Variants in SORCS1 observed in about 807,000 individuals in gnomAD.
SORCS1 encodes the protein sortilin related VPS10 domain containing receptor 1.
SORCS1 carries 60 observed loss-of-function variants against 146.1 expected under a neutral mutation model. That is an observed-to-expected ratio of 0.41 (90% confidence interval 0.33 to 0.51). The LOEUF is 0.51. Among genes scored for constraint, SORCS1 ranks in the 20% least tolerant of loss-of-function variants. SORCS1 has a pLI of 0.21. For synonymous variants in SORCS1, 637 were observed against 584.0 expected, an observed-to-expected ratio of 1.09 and a Z score of -1.31; for missense variants, 1,352 against 1,487.6, an observed-to-expected ratio of 0.91 and a Z score of 1.50.
intron 14 of SORCS1, among the ~76,000 whole-genome samples, chr10:106,674,145 T>C (rs1198062723): frequency 8.8e-6 from 1 of 113,724 alleles, no homozygotes; most frequent in Non-Finnish European, 1.8e-5. Context: ...TGAAACTCTG[T>C]CTCTACTAAA....
intron 4 of SORCS1, among the ~76,000 whole-genome samples, chr10:106,766,151 G>A (rs999778): frequency 0.23 from 35,714 of 151,976 alleles, 4,535 homozygotes; most frequent in Non-Finnish European, 0.28. Context: ...TCCTGCTGTC[G>A]GCTCTTTTCA....
chr10:107,098,148 T>C (rs901893837), intron 1 of SORCS1, among the ~76,000 whole-genome samples: 1 of 152,236 alleles, frequency 6.6e-6, no homozygotes, highest in Non-Finnish European at 1.5e-5. Flanking sequence ...GTTGTTGTTG[T>C]CTATGTCAGG....
At chr10:106,615,199 T>C (rs1847275560) in intron 21 of SORCS1, among the ~76,000 whole-genome samples, 1 of 152,330 alleles carries the variant, frequency 6.6e-6, no homozygotes, top group Non-Finnish European at 1.5e-5. Context: ...GTAAAACTTC[T>C]ACAACTCATG....
At chr10:106,953,497 A>G (rs1194891691) in intron 2 of SORCS1, among the ~76,000 whole-genome samples, 1 of 150,674 alleles carries the variant, frequency 6.6e-6, no homozygotes, top group African/African-American at 2.4e-5. Context: ...CAGATCTAAA[A>G]CCCACAGATA....
intron 1 of SORCS1, among the ~76,000 whole-genome samples, chr10:106,974,055 A>C (rs535910881): frequency 6.6e-6 from 1 of 152,312 alleles, no homozygotes; most frequent in African/African-American, 2.4e-5. Flanking sequence ...CAAGGGTTAA[A>C]TGAGCACCTA....
chr10:106,996,433 G>A (rs1957008510), intron 1 of SORCS1, among the ~76,000 whole-genome samples: 1 of 152,040 alleles, frequency 6.6e-6, no homozygotes. Context: ...ATAACTACCA[G>A]AAGGGTATGC....
At chr10:106,889,831 G>GCTGAGAT (rs1951155423) in intron 2 of SORCS1, among the ~76,000 whole-genome samples, 1 of 147,584 alleles carries the variant, frequency 6.8e-6, no homozygotes, top group African/African-American at 2.6e-5. Context: ...CTTGCAGTGA[G>GCTGAGAT]CCGAGATCGC....
chr10:106,820,885 T>C (rs945309706), intron 3 of SORCS1, among the ~76,000 whole-genome samples: 1 of 152,140 alleles, frequency 6.6e-6, no homozygotes, highest in African/African-American at 2.4e-5. Context: ...CAGCAGAGCA[T>C]AACTTGGAAC....
At chr10:106,630,848 TAA>T (rs200290220) in intron 18 of SORCS1, among the ~76,000 whole-genome samples, 2 of 142,104 alleles carry the variant, frequency 1.4e-5, no homozygotes, top group Non-Finnish European at 1.5e-5. Context: ...CCCAGACCTG[TAA>T]AAAAAAAAAA....
At chr10:106,841,897 G>A (rs1949060895) in intron 2 of SORCS1, among the ~76,000 whole-genome samples, 1 of 152,152 alleles carries the variant, frequency 6.6e-6, no homozygotes, top group Non-Finnish European at 1.5e-5. Context: ...ACATCCATGT[G>A]CAGAATTTTG....
intron 1 of SORCS1, among the ~76,000 whole-genome samples, chr10:107,091,724 AC>A: frequency 6.6e-6 from 1 of 152,008 alleles, no homozygotes; most frequent in African/African-American, 2.4e-5. Context: ...ACTGCTGGAG[AC>A]CCCCATGTGC....
At chr10:107,148,483 A>C (rs988355624) in intron 1 of SORCS1, among the ~76,000 whole-genome samples, 5 of 152,196 alleles carry the variant, frequency 3.3e-5, no homozygotes, top group Non-Finnish European at 7.3e-5. Flanking sequence ...AAAAGGTAGT[A>C]ACCATCTTTG....
At position 107,125,252 on chromosome 10, in the gene SORCS1, C is replaced by T. The variant is rs534670449; in HGVS notation, c.558+38717G>A. ...AGGCATGAGCCACCATGCCTGGCCC[C>T]GCTCAGCTTTCTTAAAGCAAAATGC... On this transcript the variant is annotated intron_variant, in intron 1 of 25. Coordinates refer to ENST00000263054, the MANE Select transcript of SORCS1 (RefSeq NM_052918.5). 5.9e-5 allele frequency among the ~76,000 whole-genome samples: 9 copies of T among 152,132 alleles called. 2 individuals carry two copies. The South Asian group carries it at 1.0e-3, about 18-fold the overall frequency.
intron 2 of SORCS1, among the ~76,000 whole-genome samples, chr10:106,835,127 C>T (rs936397768): frequency 6.6e-6 from 1 of 152,190 alleles, no homozygotes; most frequent in Admixed American, 6.5e-5. Flanking sequence ...TCCCACCCGC[C>T]TTCCAAGAGG....
At chr10:106,678,480 C>T (rs946972179) in intron 12 of SORCS1, among the ~76,000 whole-genome samples, 2 of 152,138 alleles carry the variant, frequency 1.3e-5, no homozygotes, top group African/African-American at 4.8e-5. Flanking sequence ...AAGGAGAGTG[C>T]TCTCATCACT....
intron 17 of SORCS1, among the ~76,000 whole-genome samples, chr10:106,658,963 T>A (rs948248933): frequency 4.6e-5 from 7 of 152,194 alleles, no homozygotes; most frequent in Non-Finnish European, 8.8e-5. Flanking sequence ...TGGCTGTATA[T>A]TAACCATTGT....
chr10:107,137,540 C>G (rs1452595830), intron 1 of SORCS1, among the ~76,000 whole-genome samples: 1 of 152,114 alleles, frequency 6.6e-6, no homozygotes, highest in African/African-American at 2.4e-5. Flanking sequence ...ATATCTGTCC[C>G]AAAACTGAAA....
intron 17 of SORCS1, among the ~76,000 whole-genome samples, chr10:106,658,756 T>C (rs537189337): frequency 6.6e-6 from 1 of 152,312 alleles, no homozygotes; most frequent in South Asian, 2.1e-4. Flanking sequence ...TATGTAACTA[T>C]AGATCTCTCA....
intron 2 of SORCS1, among the ~76,000 whole-genome samples, chr10:106,899,083 C>A (rs561570372): frequency 6.6e-6 from 1 of 152,160 alleles, no homozygotes; most frequent in African/African-American, 2.4e-5. Flanking sequence ...GTGAAGGACC[C>A]ATTCCAAAGT....
Sources: gnomAD v4.1 joint callset for allele counts (sites outside exome capture counted in the v4.1 genomes callset) on GRCh38, gnomAD v4.1.1 for gene constraint, MANE v1.5 for transcripts, NCBI Gene and HGNC (gene_info 2026-07-23, HGNC 2026-07-21) for gene names.